Variants in TMEM87A observed in about 807,000 individuals in gnomAD.
TMEM87A encodes the protein transmembrane protein 87A.
TMEM87A carries 50 observed loss-of-function variants against 90.0 expected under a neutral mutation model. That is an observed-to-expected ratio of 0.56 (90% CI 0.44 to 0.70). The LOEUF (loss-of-function observed/expected upper bound fraction) is 0.70, where lower values mean the gene tolerates loss of function less well. Among genes scored for constraint, TMEM87A ranks in the 30% least tolerant of loss-of-function variants. The pLI is 0.00. For missense variants in TMEM87A, 577 were observed against 660.5 expected (o/e 0.87, Z 1.39); for synonymous variants, 226 against 226.7 (o/e 1.00, Z 0.03).
chr15:42,235,994 C>T (rs946131601), intron 10 of TMEM87A, among the ~76,000 whole-genome samples: 1 of 149,926 alleles, frequency 6.7e-6, no homozygotes, highest in Non-Finnish European at 1.5e-5. Context: ...AATGCGTTTC[C>T]CATAAAAAAT....
At chr15:42,236,168 T>C in intron 10 of TMEM87A, 152 bp downstream of exon 10, 1 of 680,230 alleles carries the variant, frequency 1.5e-6, no homozygotes, top group Non-Finnish European at 2.5e-6. Flanking sequence ...TTTCCCAACA[T>C]TTACAATGCT....
At chr15:42,264,699 A>ATATATATATATATATATATATATAT (rs10681614) in intron 3 of TMEM87A, among the ~76,000 whole-genome samples, 1 of 109,424 alleles carries the variant, frequency 9.1e-6, no homozygotes. Flanking sequence ...ATATATATAT[A>ATATATATATATATATATATATATAT]TTTTTTTTTT....
chr15:42,221,646 G>A (rs557262770), intron 15 of TMEM87A, among the ~76,000 whole-genome samples: 46 of 152,164 alleles, frequency 3.0e-4, no homozygotes, highest in Non-Finnish European at 6.2e-4. Context: ...GAGGTAGGAG[G>A]ATCCCTTGAG....
At chr15:42,262,727 A>G (rs2051319910) in intron 4 of TMEM87A, among the ~76,000 whole-genome samples, 1 of 152,186 alleles carries the variant, frequency 6.6e-6, no homozygotes, top group African/African-American at 2.4e-5. Context: ...TCAATTACCA[A>G]TGACTAAATT....
intron 15 of TMEM87A, among the ~76,000 whole-genome samples, chr15:42,221,957 A>G (rs1156417043): frequency 6.6e-6 from 1 of 151,970 alleles, no homozygotes; most frequent in East Asian, 1.9e-4. Flanking sequence ...ATCTTGCTAT[A>G]TTGCCAGGGC....
Position 42,211,577 on chromosome 15 carries a change from T to C in TMEM87A, c.*131A>G. The C allele has an allele frequency of 1.2e-6, 1 of 869,394 alleles. No homozygotes were observed. The highest frequency in any genetic ancestry group is 1.7e-5 in the African/African-American group (1 of 58,836). 53.9% of individuals were successfully genotyped at this position (869,394 alleles called of 1,614,324 possible). A position where few individuals can be genotyped will look rare whatever the true frequency, so the allele number is the denominator to read the frequency against. On this transcript the variant is annotated 3_prime_UTR_variant, in exon 20 of 20. Coordinates refer to ENST00000389834, the MANE Select transcript of TMEM87A (RefSeq NM_015497.5). The stretch of plus-strand genomic sequence containing the variant: ...TTCTGACACCTCTCGCCAACTCCAA[T>C]GCCCAAAGATCAAGGAACAGATCAG...
intron 8 of TMEM87A, among the ~76,000 whole-genome samples, chr15:42,238,212 C>T (rs9783720): frequency 0.95 from 144,674 of 152,132 alleles, 69,043 homozygotes; most frequent in Non-Finnish European, 1. Flanking sequence ...GGCAGGAGGA[C>T]TGCTTGAGGT....
intron 4 of TMEM87A, 125 bp from the exon 5 acceptor site, chr15:42,261,374 G>T: frequency 1.5e-6 from 1 of 649,754 alleles, no homozygotes; most frequent in East Asian, 3.1e-5. Context: ...TAATAACACA[G>T]CATCAGTAGA....
chr15:42,270,745 A>T (rs1157673570), intron 2 of TMEM87A, among the ~76,000 whole-genome samples: 3 of 152,252 alleles, frequency 2.0e-5, no homozygotes, highest in African/African-American at 7.2e-5. Context: ...CAGTAAACCA[A>T]TCTCACAAGG....
chr15:42,223,330 T>C (rs1255012931), intron 15 of TMEM87A, among the ~76,000 whole-genome samples: 4 of 151,968 alleles, frequency 2.6e-5, no homozygotes, highest in African/African-American at 2.4e-5. Context: ...GAGGTGGAGG[T>C]TGTAGTGGGC....
chr15:42,225,481 T>A (rs1419197263), intron 15 of TMEM87A, among the ~76,000 whole-genome samples: 1 of 152,174 alleles, frequency 6.6e-6, no homozygotes, highest in African/African-American at 2.4e-5. Context: ...GTTACAGAAA[T>A]TTTCTTTCCT....
chr15:42,211,686 T>C lies in TMEM87A; in HGVS notation c.*22A>G, dbSNP rs778975139. ...TCTCTTCCCTGATGGTAGCCATCTT[T>C]AACTGCAAATCTTCCCATTCCTTAC... On this transcript the variant is annotated 3_prime_UTR_variant, in exon 20 of 20. Coordinates refer to ENST00000389834, the MANE Select transcript of TMEM87A (RefSeq NM_015497.5). 1 of 1,612,718 alleles carries C rather than the reference T, an allele frequency of 6.2e-7. No homozygotes were observed. Among genetic ancestry groups the C allele is most frequent in the South Asian group, 1.1e-5 (1 of 90,998 alleles).
chr15:42,262,060 G>A lies in TMEM87A; in HGVS notation c.406-811C>T, dbSNP rs2051305440. On this transcript the variant is annotated intron_variant, in intron 4 of 19. Coordinates refer to ENST00000389834, the MANE Select transcript of TMEM87A (RefSeq NM_015497.5). ...CAGTAGATGAGGCATTGTCCTTCCT[G>A]AGTAATGAGACTGTGTAATTCAACC... 2.0e-5 allele frequency: 3 copies of A among 152,204 alleles called. No homozygotes were observed. In the South Asian group the frequency reaches 6.2e-4, roughly 31 times the overall value. The allele number at this position is 152,204 out of a possible 1,614,324, so 9.4% of individuals were successfully genotyped here. A position where few individuals can be genotyped will look rare whatever the true frequency, so the allele number is the denominator to read the frequency against.
Position 42,217,920 on chromosome 15 carries a change from A to C in TMEM87A, c.1596-87T>G. On this transcript the variant is annotated intron_variant, in intron 18 of 19. Transcript: ENST00000389834. ...AAGACAATGGAATAATGCAATTAAAAGCTTTATAATTATCTAAGATTTGCA... is the reference window on the plus strand; with the variant it reads ...AAGACAATGGAATAATGCAATTAAACGCTTTATAATTATCTAAGATTTGCA... 2.2e-6 allele frequency: 3 copies of C among 1,337,296 alleles called. No individual in the cohort carries two copies. The South Asian group carries it at 4.0e-5, about 18-fold the overall frequency. 82.8% of individuals were successfully genotyped at this position (1,337,296 alleles called of 1,614,324 possible).
upstream of TMEM87A, chr15:42,273,512 G>A: frequency 2.0e-6 from 3 of 1,507,368 alleles, no homozygotes; most frequent in South Asian, 1.3e-5. Flanking sequence ...ACGTCGCGGA[G>A]CTTGTTTGCT....
At chr15:42,223,482 C>A (rs1444995196) in intron 15 of TMEM87A, among the ~76,000 whole-genome samples, 2 of 152,180 alleles carry the variant, frequency 1.3e-5, no homozygotes, top group African/African-American at 2.4e-5. Flanking sequence ...AAACCTAATT[C>A]CCAGGGTGAC....
intron 6 of TMEM87A, among the ~76,000 whole-genome samples, chr15:42,249,632 A>C (rs6493024): frequency 0.96 from 146,566 of 152,350 alleles, 70,702 homozygotes; most frequent in Non-Finnish European, 1. Flanking sequence ...TTTGATTGCA[A>C]TGTCGTCTGA....
intron 15 of TMEM87A, among the ~76,000 whole-genome samples, chr15:42,222,856 G>A (rs1034586574): frequency 2.0e-5 from 3 of 152,108 alleles, no homozygotes; most frequent in Non-Finnish European, 4.4e-5. Flanking sequence ...CATAGCGCCC[G>A]GCCTGATTGT....
At chr15:42,273,515 T>C, upstream of TMEM87A, 3 of 1,495,972 alleles carry the variant, frequency 2.0e-6, no homozygotes, top group Non-Finnish European at 8.9e-7. Flanking sequence ...TCGCGGAGCT[T>C]GTTTGCTGTG....
Sources: allele counts gnomAD v4.1 joint callset (sites outside exome capture counted in the v4.1 genomes callset), GRCh38; gene constraint gnomAD v4.1.1; transcripts MANE v1.5; gene names NCBI Gene and HGNC (gene_info 2026-07-23, HGNC 2026-07-21).